SF3B3: variants seen among roughly 807,000 people sequenced by gnomAD.
SF3B3 encodes SAP 130.
A neutral mutation model predicts 139.2 loss-of-function variants in SF3B3; 33 were observed. The ratio of observed to expected loss-of-function variants is 0.24; its 90% confidence interval spans 0.18 to 0.32. The LOEUF (loss-of-function observed/expected upper bound fraction) is 0.32. Among genes scored for constraint, SF3B3 ranks in the 10% least tolerant of loss-of-function variants. SF3B3 has a pLI of 1.00. For missense variants in SF3B3, 818 were observed against 1,509.4 expected, an observed-to-expected ratio of 0.54 and a Z score of 7.59; for synonymous variants, 596 against 563.6, an observed-to-expected ratio of 1.06 and a Z score of -0.81.
In SF3B3 at chr16:70,525,720, C is replaced by A. The variant is rs576349687; in HGVS notation, c.-70-867C>A. On this transcript the variant is annotated intron_variant, in intron 1 of 25. Transcript: ENST00000302516. ...GGTGGCTCAACGCCTGTAATCCTAG[C>A]ACTTTGGGAGGCGGAGGCGGGCGGA... 6.5e-4 allele frequency among the ~76,000 whole-genome samples: 99 copies of A among 152,070 alleles called. 1 individual carries two copies. Among genetic ancestry groups the A allele is most frequent in the African/African-American group, 2.3e-3 (95 of 41,504 alleles).
chr16:70,543,320 G>T (rs1269662494), intron 9 of SF3B3, among the ~76,000 whole-genome samples: 1 of 151,538 alleles, frequency 6.6e-6, no homozygotes, highest in East Asian at 2.0e-4. Context: ...CGAGGCAAGA[G>T]AATCGCTTGA....
chr16:70,550,880 C>T (rs1195875265), intron 11 of SF3B3, among the ~76,000 whole-genome samples: 2 of 152,136 alleles, frequency 1.3e-5, no homozygotes, highest in African/African-American at 4.8e-5. Flanking sequence ...CTACTTCCTC[C>T]CACAGAATTT....
intron 6 of SF3B3, among the ~76,000 whole-genome samples, chr16:70,536,475 C>T (rs892560732): frequency 8.5e-5 from 13 of 152,114 alleles, no homozygotes; most frequent in Non-Finnish European, 1.8e-4. Context: ...GCCATTTCTC[C>T]TGCCTCAGCC....
rs71151193 is a variant in SF3B3, at chr16:70,576,080, G to GT, written c.*4280dup. On this transcript the variant is annotated 3_prime_UTR_variant, in exon 26 of 26. Transcript: ENST00000302516. The stretch of plus-strand genomic sequence containing the variant: ...TTCAAAAAGCCGGGCGTGAAGCCCT[G>GT]TTTTTTTTTTTTTAAAAAAAGAGTC... 0.19 allele frequency: 27,059 copies of GT among 145,564 alleles called. 2,600 individuals carry two copies. Among genetic ancestry groups the GT allele is most frequent in the South Asian group, 0.31 (1,367 of 4,476 alleles). The allele number at this position is 145,564 out of a possible 1,614,324, so 9.0% of individuals were successfully genotyped here.
intron 1 of SF3B3, among the ~76,000 whole-genome samples, chr16:70,526,191 G>C (rs955913934): frequency 6.6e-6 from 1 of 151,722 alleles, no homozygotes; most frequent in Non-Finnish European, 1.5e-5. Flanking sequence ...GATTTCTCAA[G>C]GTCCCGTGCT....
chr16:70,542,275 T>C (rs2050226223), intron 9 of SF3B3, among the ~76,000 whole-genome samples: 1 of 152,284 alleles, frequency 6.6e-6, no homozygotes. Flanking sequence ...CACAGTATTC[T>C]GTGGTTGACC....
In SF3B3 at chr16:70,567,051, C is replaced by CA. The variant is rs112267243; in HGVS notation, c.2827-344dup. On this transcript the variant is annotated intron_variant, in intron 20 of 25. Transcript: ENST00000302516. ...CCTGAGCAGTAGTGAGACCCTGTCT[C>CA]AAAAAAAAAAAAAAAAGTCACTTTT... Among the ~76,000 whole-genome samples, 1,088 of 119,458 alleles carry CA rather than the reference C, an allele frequency of 9.1e-3. 6 individuals carry two copies. The highest frequency in any genetic ancestry group is 0.019 in the African/African-American group (660 of 35,262). 78.4% of individuals were successfully genotyped at this position (119,458 alleles called of 152,430 possible). A position where few individuals can be genotyped will look rare whatever the true frequency, so the allele number is the denominator to read the frequency against.
intron 17 of SF3B3, among the ~76,000 whole-genome samples, chr16:70,563,225 C>T (rs2050446183): frequency 6.6e-6 from 1 of 152,198 alleles, no homozygotes; most frequent in African/African-American, 2.4e-5. Context: ...CTGCTTTGGC[C>T]TCCCAAAGTG....
At chr16:70,536,869 G>A (rs1262184594) in intron 6 of SF3B3, among the ~76,000 whole-genome samples, 1 of 147,958 alleles carries the variant, frequency 6.8e-6, no homozygotes, top group Non-Finnish European at 1.5e-5. Context: ...GGAGTGCAGT[G>A]GCGCAATCTT....
chr16:70,551,683 C>T (rs1397926822), intron 11 of SF3B3, among the ~76,000 whole-genome samples: 5 of 152,208 alleles, frequency 3.3e-5, no homozygotes, highest in East Asian at 3.9e-4. Context: ...GCCTGGGCAA[C>T]CAGAGCGAAA....
chr16:70,572,028 G>T lies in SF3B3; in HGVS notation c.*215G>T. ...GATTTGCTACACTTCTCCCCACCTG[G>T]TACATGATACATGACCCCAGGTTCC... On this transcript the variant is annotated 3_prime_UTR_variant, in exon 26 of 26. Coordinates refer to ENST00000302516, the MANE Select transcript of SF3B3 (RefSeq NM_012426.5). 1.5e-6 allele frequency: 1 copy of T among 682,154 alleles called. No individual in the cohort carries two copies. The highest frequency in any genetic ancestry group is 2.6e-6 in the Non-Finnish European group (1 of 380,124). 42.3% of individuals were successfully genotyped at this position (682,154 alleles called of 1,614,324 possible). A position where few individuals can be genotyped will look rare whatever the true frequency, so the allele number is the denominator to read the frequency against.
intron 5 of SF3B3, among the ~76,000 whole-genome samples, chr16:70,533,367 C>T (rs374409984): frequency 6.6e-6 from 1 of 151,846 alleles, no homozygotes; most frequent in Non-Finnish European, 1.5e-5. Flanking sequence ...ACAGATTTCT[C>T]TAGAGTAGAA....
intron 11 of SF3B3, among the ~76,000 whole-genome samples, chr16:70,553,349 G>T (rs985336218): frequency 8.5e-5 from 13 of 152,148 alleles, no homozygotes; most frequent in Non-Finnish European, 1.8e-4. Context: ...CCTTCATGTG[G>T]GTGGGTGGGT....
At chr16:70,526,209 T>G (rs1597702642) in intron 1 of SF3B3, among the ~76,000 whole-genome samples, 1 of 151,900 alleles carries the variant, frequency 6.6e-6, no homozygotes, top group South Asian at 2.1e-4. Context: ...GCTTTTTATT[T>G]ATTTATTTTT....
chr16:70,528,609 G>A (rs2050089948), intron 2 of SF3B3, among the ~76,000 whole-genome samples: 1 of 151,698 alleles, frequency 6.6e-6, no homozygotes. Context: ...AGAGGCACAG[G>A]CCATCACACC....
At chr16:70,562,763 G>A (rs1188163241) in intron 17 of SF3B3, among the ~76,000 whole-genome samples, 1 of 152,070 alleles carries the variant, frequency 6.6e-6, no homozygotes, top group African/African-American at 2.4e-5. Flanking sequence ...ATCAGGGAAG[G>A]TGACTTATGA....
chr16:70,526,197 G>A (rs966342912), intron 1 of SF3B3, among the ~76,000 whole-genome samples: 25 of 151,590 alleles, frequency 1.6e-4, no homozygotes, highest in African/African-American at 5.6e-4. Context: ...TCAAGGTCCC[G>A]TGCTTTTTAT....
At chr16:70,566,975 A>T (rs2050482933) in intron 20 of SF3B3, among the ~76,000 whole-genome samples, 2 of 151,996 alleles carry the variant, frequency 1.3e-5, no homozygotes, top group African/African-American at 4.8e-5. Flanking sequence ...ACCTGAGCCC[A>T]GGAAGTCCAG....
chr16:70,560,755 C>G (rs990868989), intron 16 of SF3B3, among the ~76,000 whole-genome samples, 164 bp downstream of exon 16: 12 of 152,236 alleles, frequency 7.9e-5, no homozygotes, highest in Non-Finnish European at 1.2e-4. Flanking sequence ...AGCTTCCTCA[C>G]TGGGGCTCCA....
Sources: allele counts gnomAD v4.1 joint callset (sites outside exome capture counted in the v4.1 genomes callset), GRCh38; gene constraint gnomAD v4.1.1; transcripts MANE v1.5; gene names NCBI Gene and HGNC (gene_info 2026-07-23, HGNC 2026-07-21).